Variants in FHIT observed in about 807,000 individuals in gnomAD.
FHIT encodes the protein bis(5'-adenosyl)-triphosphatase.
FHIT carries 19 observed loss-of-function variants against 17.9 expected under a neutral mutation model. The ratio of observed to expected loss-of-function variants is 1.06; its 90% confidence interval spans 0.74 to 1.56. FHIT has a LOEUF of 1.56. FHIT is among the 40% of genes most tolerant of loss of function. The pLI, the probability that FHIT is intolerant of heterozygous loss-of-function variation, is 0.00. For synonymous variants in FHIT, 81 were observed against 69.7 expected (o/e 1.16, Z -0.81); for missense variants, 248 against 189.2 (o/e 1.31, Z -1.82).
intron 5 of FHIT, among the ~76,000 whole-genome samples, chr3:60,120,255 T>C (rs1705187798): frequency 6.6e-6 from 1 of 152,220 alleles, no homozygotes; most frequent in Non-Finnish European, 1.5e-5. Flanking sequence ...AACTGGGCCT[T>C]AATCATTTCA....
intron 8 of FHIT, among the ~76,000 whole-genome samples, chr3:59,866,287 G>C (rs1268888639): frequency 7.0e-6 from 1 of 142,180 alleles, no homozygotes; most frequent in Non-Finnish European, 1.5e-5. Flanking sequence ...GGCCAGTACA[G>C]ACAGCCTAAG....
At chr3:60,483,428 T>C (rs400870) in intron 5 of FHIT, among the ~76,000 whole-genome samples, 2 of 151,958 alleles carry the variant, frequency 1.3e-5, no homozygotes, top group Non-Finnish European at 2.9e-5. Flanking sequence ...GAAAATCCTC[T>C]GTAAAATACT....
At chr3:60,995,679 T>C (rs921949273) in intron 3 of FHIT, among the ~76,000 whole-genome samples, 7 of 152,224 alleles carry the variant, frequency 4.6e-5, no homozygotes, top group Admixed American at 3.9e-4. Flanking sequence ...CTATTATCCA[T>C]TGCCCGCTTT....
intron 4 of FHIT, among the ~76,000 whole-genome samples, chr3:60,695,002 G>A (rs186734520): frequency 2.0e-4 from 30 of 152,182 alleles, no homozygotes; most frequent in Middle Eastern, 3.4e-3. Flanking sequence ...CATGGCACAT[G>A]TATACATATG....
chr3:59,893,004 A>G (rs1703919626), intron 8 of FHIT, among the ~76,000 whole-genome samples: 1 of 152,256 alleles, frequency 6.6e-6, no homozygotes, highest in East Asian at 1.9e-4. Flanking sequence ...TCATAGACAC[A>G]GTCAAAGTTA....
intron 3 of FHIT, among the ~76,000 whole-genome samples, chr3:60,984,225 G>C (rs1490843209): frequency 1.3e-5 from 2 of 152,132 alleles, no homozygotes; most frequent in Non-Finnish European, 2.9e-5. Context: ...ATCCCAAAAT[G>C]ATACCTGCCT....
chr3:60,678,435 A>G (rs1406828416), intron 4 of FHIT, among the ~76,000 whole-genome samples: 1 of 152,202 alleles, frequency 6.6e-6, no homozygotes, highest in Non-Finnish European at 1.5e-5. Flanking sequence ...AAGAGAAAAG[A>G]AACACTTATT....
At chr3:60,917,021 C>T (rs1180697977) in intron 3 of FHIT, among the ~76,000 whole-genome samples, 3 of 152,058 alleles carry the variant, frequency 2.0e-5, no homozygotes, top group Admixed American at 1.3e-4. Flanking sequence ...ATAAATTTGC[C>T]ATGGGAACAC....
chr3:60,187,005 G>A (rs1425321375), intron 5 of FHIT, among the ~76,000 whole-genome samples: 1 of 152,058 alleles, frequency 6.6e-6, no homozygotes, highest in Non-Finnish European at 1.5e-5. Flanking sequence ...GAGTGTTGAG[G>A]CCTATTTTAT....
chr3:60,190,114 A>T (rs1484083417), intron 5 of FHIT, among the ~76,000 whole-genome samples: 2 of 152,182 alleles, frequency 1.3e-5, no homozygotes, highest in African/African-American at 4.8e-5. Context: ...CATCATACAG[A>T]AGCCAACCAG....
At chr3:59,783,491 C>T (rs1248371263) in intron 8 of FHIT, among the ~76,000 whole-genome samples, 1 of 152,066 alleles carries the variant, frequency 6.6e-6, no homozygotes, top group Non-Finnish European at 1.5e-5. Context: ...CGAAACAAAA[C>T]AAGCAAATAA....
At chr3:60,851,961 A>T (rs1179515865) in intron 3 of FHIT, among the ~76,000 whole-genome samples, 1 of 152,170 alleles carries the variant, frequency 6.6e-6, no homozygotes, top group African/African-American at 2.4e-5. Context: ...TTTATGTATC[A>T]ACTTGACTGG....
At chr3:60,454,592 G>A (rs1201198086) in intron 5 of FHIT, among the ~76,000 whole-genome samples, 2 of 151,998 alleles carry the variant, frequency 1.3e-5, no homozygotes, top group African/African-American at 4.8e-5. Flanking sequence ...CACCGTGTTA[G>A]CCAGGATGGT....
intron 3 of FHIT, among the ~76,000 whole-genome samples, chr3:60,925,192 T>A (rs556243184): frequency 1.3e-4 from 20 of 152,196 alleles, no homozygotes; most frequent in African/African-American, 4.8e-4. Context: ...ACATTCAAAT[T>A]CAGGAAATAC....
intron 4 of FHIT, among the ~76,000 whole-genome samples, chr3:60,631,909 G>T (rs1298684447): frequency 6.6e-6 from 1 of 152,110 alleles, no homozygotes; most frequent in African/African-American, 2.4e-5. Context: ...GTTAGCTGTT[G>T]TTTGTACCAC....
intron 4 of FHIT, among the ~76,000 whole-genome samples, chr3:60,740,836 C>T (rs1330513159): frequency 1.3e-5 from 2 of 152,190 alleles, no homozygotes; most frequent in East Asian, 3.9e-4. Context: ...CTTAAAATGG[C>T]CATTTGGGCC....
intron 2 of FHIT, among the ~76,000 whole-genome samples, chr3:61,195,308 A>G (rs1051049298): frequency 5.3e-5 from 8 of 152,118 alleles, no homozygotes; most frequent in Non-Finnish European, 7.4e-5. Flanking sequence ...CAGATGAATT[A>G]TTACTGAATC....
intron 3 of FHIT, among the ~76,000 whole-genome samples, chr3:60,950,980 A>G (rs1387228018): frequency 6.6e-6 from 1 of 152,232 alleles, no homozygotes; most frequent in Non-Finnish European, 1.5e-5. Context: ...CGCTAAGAAC[A>G]GTAGAAGAGA....
intron 8 of FHIT, among the ~76,000 whole-genome samples, chr3:59,896,606 A>G (rs1453015465): frequency 2.0e-5 from 3 of 152,206 alleles, no homozygotes; most frequent in Admixed American, 6.5e-5. Context: ...TTACAAGCAA[A>G]GAGACAATGA....
Sources: gnomAD v4.1 joint callset for allele counts (sites outside exome capture counted in the v4.1 genomes callset) on GRCh38, gnomAD v4.1.1 for gene constraint, MANE v1.5 for transcripts, NCBI Gene and HGNC (gene_info 2026-07-23, HGNC 2026-07-21) for gene names.